CAMTA1: variants seen among roughly 807,000 people sequenced by gnomAD.
CAMTA1 encodes the protein calmodulin-binding transcription activator 1.
Under a neutral mutation model 170.9 loss-of-function variants are expected in CAMTA1, and 27 were observed. The ratio of observed to expected loss-of-function variants is 0.16; its 90% confidence interval spans 0.12 to 0.22. The LOEUF (loss-of-function observed/expected upper bound fraction) is 0.22. CAMTA1 is among the 10% of genes least tolerant of loss of function. The probability of loss-of-function intolerance (pLI) is 1.00; values close to 1 mark genes in which losing one functional copy is unlikely to be tolerated. For synonymous variants in CAMTA1, 833 were observed against 891.5 expected (o/e 0.93, Z 1.17); for missense variants, 1,619 against 2,217.2 (o/e 0.73, Z 5.42).
chr1:6,807,119 C>G (rs1316145959), intron 1 of CAMTA1: 3 of 551,340 alleles, frequency 5.4e-6, no homozygotes, highest in Non-Finnish European at 1.0e-5. Context: ...AGGGATTTGA[C>G]TAATCTGCAA....
intron 4 of CAMTA1, among the ~76,000 whole-genome samples, chr1:7,213,154 T>C (rs1227401507): frequency 6.6e-6 from 1 of 152,266 alleles, no homozygotes; most frequent in Non-Finnish European, 1.5e-5. Context: ...GGTTGTATGA[T>C]AACTACATAT....
chr1:7,624,176 G>A (rs2150792980), intron 6 of CAMTA1, among the ~76,000 whole-genome samples: 2 of 152,378 alleles, frequency 1.3e-5, no homozygotes, highest in South Asian at 2.1e-4. Flanking sequence ...CGAGTGCTGT[G>A]GGTCTCCCCG....
intron 5 of CAMTA1, among the ~76,000 whole-genome samples, chr1:7,252,555 A>T (rs918400097): frequency 6.6e-6 from 1 of 152,230 alleles, no homozygotes; most frequent in African/African-American, 2.4e-5. Flanking sequence ...AAATTGCAAC[A>T]GGGATTTCCA....
chr1:6,934,291 C>G lies in CAMTA1; in HGVS notation c.234+109081C>G, dbSNP rs532213808. Reference sequence around the variant, plus strand: ...TGGACCGGAAGGATGAGGCATGCTCCCGGAAGTTAGCATCGCTCATGGCCC... The same window carrying G: ...TGGACCGGAAGGATGAGGCATGCTCGCGGAAGTTAGCATCGCTCATGGCCC... On this transcript the variant is annotated intron_variant, in intron 3 of 22. Coordinates refer to ENST00000303635, the MANE Select transcript of CAMTA1 (RefSeq NM_015215.4). The surrounding 1 kb of genome is among the most constrained non-coding windows in gnomAD (Gnocchi z 4.5). Among the ~76,000 whole-genome samples the G allele has an allele frequency of 6.6e-5, 10 of 152,290 alleles. No individual in the cohort carries two copies. The highest frequency in any genetic ancestry group is 6.5e-4 in the Admixed American group (10 of 15,298).
intron 3 of CAMTA1, among the ~76,000 whole-genome samples, chr1:7,076,882 T>A (rs1326260746): frequency 6.6e-6 from 1 of 152,242 alleles, no homozygotes; most frequent in African/African-American, 2.4e-5. Context: ...ATTCTCCTCC[T>A]GTTTACTCTT....
At position 7,144,337 on chromosome 1, in the gene CAMTA1, C is replaced by T. The variant is rs1435960698; in HGVS notation, c.302+52966C>T. Among the ~76,000 whole-genome samples, 1 of 152,062 alleles carries T rather than the reference C, an allele frequency of 6.6e-6. No homozygotes were observed. The highest frequency in any genetic ancestry group is 1.5e-5 in the Non-Finnish European group (1 of 67,994). Reference sequence around the variant, plus strand: ...AGAGACAGAGCGAAAGAGAGAGTCTCTTTTCGTTCTAAGGCCACCAATTCT... The same window carrying T: ...AGAGACAGAGCGAAAGAGAGAGTCTTTTTTCGTTCTAAGGCCACCAATTCT... On this transcript the variant is annotated intron_variant, in intron 4 of 22. Coordinates refer to ENST00000303635, the MANE Select transcript of CAMTA1 (RefSeq NM_015215.4). This position sits in a 1 kb window ranked among gnomAD's most constrained non-coding sequence, Gnocchi z 4.0.
In CAMTA1 at chr1:6,877,573, C is replaced by T. The variant is rs77829106; in HGVS notation, c.234+52363C>T. On this transcript the variant is annotated intron_variant, in intron 3 of 22. Transcript: ENST00000303635. ...GTGATTGTTTCCCTGGGAAACTGGC[C>T]GTGGTTACCATCACGCTGTGTGATG... 2.8e-3 allele frequency among the ~76,000 whole-genome samples: 430 copies of T among 152,248 alleles called. 1 individual carries two copies. The highest frequency in any genetic ancestry group is 4.6e-3 in the Non-Finnish European group (315 of 68,022).
intron 6 of CAMTA1, among the ~76,000 whole-genome samples, chr1:7,553,863 G>A (rs765513): frequency 0.61 from 93,474 of 152,024 alleles, 29,453 homozygotes; most frequent in South Asian, 0.73. Context: ...ATGCAGGGGC[G>A]TGAAATCAGA....
At chr1:7,728,102 G>T (rs2096704646) in intron 11 of CAMTA1, among the ~76,000 whole-genome samples, 1 of 152,226 alleles carries the variant, frequency 6.6e-6, no homozygotes, top group Non-Finnish European at 1.5e-5. Flanking sequence ...GCTTCTCAGA[G>T]CAGCTTAATA....
chr1:7,026,490 T>C (rs1369460137), intron 3 of CAMTA1, among the ~76,000 whole-genome samples: 1 of 152,184 alleles, frequency 6.6e-6, no homozygotes, highest in Non-Finnish European at 1.5e-5. Context: ...GCCAGAATTC[T>C]GATATAAACT....
intron 3 of CAMTA1, among the ~76,000 whole-genome samples, chr1:7,055,663 C>T (rs1707213333): frequency 6.6e-6 from 1 of 152,194 alleles, no homozygotes; most frequent in Admixed American, 6.5e-5. Flanking sequence ...TCCTGTGATA[C>T]CTTCACCTGG....
At chr1:6,893,856 A>G (rs1675086597) in intron 3 of CAMTA1, among the ~76,000 whole-genome samples, 1 of 152,244 alleles carries the variant, frequency 6.6e-6, no homozygotes, top group Non-Finnish European at 1.5e-5. Context: ...TATAATTAAC[A>G]TAAATGACCA....
chr1:7,453,831 C>G (rs1406658316), intron 5 of CAMTA1, among the ~76,000 whole-genome samples: 2 of 152,230 alleles, frequency 1.3e-5, no homozygotes, highest in African/African-American at 4.8e-5. Context: ...TCCCACTTTC[C>G]TTGGAGCTGC....
At chr1:7,183,613 T>A (rs1236225444) in intron 4 of CAMTA1, among the ~76,000 whole-genome samples, 1 of 152,208 alleles carries the variant, frequency 6.6e-6, no homozygotes, top group African/African-American at 2.4e-5. Context: ...TAATGCATAG[T>A]ACATGGCACA....
At chr1:7,765,946 G>T (rs1476695763) in intron 22 of CAMTA1, among the ~76,000 whole-genome samples, 1 of 150,040 alleles carries the variant, frequency 6.7e-6, no homozygotes, top group Middle Eastern at 3.2e-3. Flanking sequence ...AGAATTGCGT[G>T]AACCCGGGAG....
At chr1:7,587,185 G>T (rs1166029890) in intron 6 of CAMTA1, among the ~76,000 whole-genome samples, 2 of 152,088 alleles carry the variant, frequency 1.3e-5, no homozygotes, top group Non-Finnish European at 2.9e-5. Flanking sequence ...GGAGGTGGGG[G>T]GCCCACACAG....
At chr1:6,956,500 T>G (rs899754534) in intron 3 of CAMTA1, among the ~76,000 whole-genome samples, 1 of 151,518 alleles carries the variant, frequency 6.6e-6, no homozygotes, top group Non-Finnish European at 1.5e-5. Flanking sequence ...AGTTGTGAGA[T>G]GAAAACATGA....
At chr1:7,238,122 G>A (rs754879505) in intron 4 of CAMTA1, among the ~76,000 whole-genome samples, 8 of 150,780 alleles carry the variant, frequency 5.3e-5, no homozygotes, top group East Asian at 1.9e-4. Context: ...TCACATATAC[G>A]TATCATTCAA....
chr1:7,417,566 C>T (rs2859316), intron 5 of CAMTA1, among the ~76,000 whole-genome samples: 9 of 151,150 alleles, frequency 6.0e-5, no homozygotes, highest in African/African-American at 2.2e-4. Flanking sequence ...GGCGTAGGAC[C>T]CTCTGAGCCA....
Sources: allele counts gnomAD v4.1 joint callset (sites outside exome capture counted in the v4.1 genomes callset), GRCh38; gene constraint gnomAD v4.1.1; non-coding constraint Gnocchi (gnomAD v3.1); transcripts MANE v1.5; gene names NCBI Gene and HGNC (gene_info 2026-07-23, HGNC 2026-07-21).